TMTC3: variants seen among roughly 807,000 people sequenced by gnomAD.
TMTC3 encodes the protein protein O-mannosyl-transferase TMTC3.
TMTC3 carries 52 observed loss-of-function variants against 92.2 expected under a neutral mutation model. The ratio of observed to expected loss-of-function variants is 0.56; its 90% CI spans 0.45 to 0.71. The LOEUF (loss-of-function observed/expected upper bound fraction) is 0.71, where lower values mean the gene tolerates loss of function less well. Among genes scored for constraint, TMTC3 ranks in the 30% least tolerant of loss-of-function variants. TMTC3 has a pLI of 0.00. For synonymous variants in TMTC3, 339 were observed against 363.3 expected, an observed-to-expected ratio of 0.93 and a Z score of 0.76; for missense variants, 896 against 1,057.1, an observed-to-expected ratio of 0.85 and a Z score of 2.11.
rs1331179443 is a variant in TMTC3 at position 88,194,877 on chromosome 12, T to G, written c.1973T>G (p.Leu658Arg). ...AGACCTGAAGCTAGAAAACGACTTC[T>G]AAGTTATATAAATGAAGAGCCACTA... ...KLRPEARKRL[L>R]SYINEEPLDA... is the part of the protein sequence containing the mutation. The change falls in exon 14 of 14, where the codon CTA becomes CGA. Residue 658 changes from leucine (L) to arginine (R), a missense_variant. Coordinates refer to ENST00000266712, the MANE Select transcript of TMTC3 (RefSeq NM_181783.4). 6.2e-7 allele frequency: 1 copy of G among 1,610,350 alleles called. No individual in the cohort carries two copies. The highest frequency in any genetic ancestry group is 1.7e-5 in the Admixed American group (1 of 59,480).
At chr12:88,169,972 A>C (rs946238309) in intron 7 of TMTC3, among the ~76,000 whole-genome samples, 4 of 151,948 alleles carry the variant, frequency 2.6e-5, no homozygotes, top group Admixed American at 6.6e-5. Flanking sequence ...AAAAGAAAGA[A>C]AGACTCTGGA....
intron 6 of TMTC3, among the ~76,000 whole-genome samples, chr12:88,163,387 T>A (rs7973049): frequency 0.069 from 10,551 of 152,230 alleles, 1,239 homozygotes; most frequent in African/African-American, 0.24. Context: ...TATTTGGGAA[T>A]TTTTAGCTCT....
At chr12:88,155,187 T>C (rs1421477524) in intron 4 of TMTC3, among the ~76,000 whole-genome samples, 1 of 152,254 alleles carries the variant, frequency 6.6e-6, no homozygotes, top group Non-Finnish European at 1.5e-5. Context: ...CTTAAAAGCA[T>C]GGACTAAAGA....
At position 88,159,251 on chromosome 12, in the gene TMTC3, A is replaced by G. The variant is rs191980097; in HGVS notation, c.509-863A>G. On this transcript the variant is annotated intron_variant, in intron 4 of 13. Transcript: ENST00000266712. ...ATTACTCTTTAGTCAAATTACTACT[A>G]CATGGTAGACACTTACTTAAAGTTG... Among the ~76,000 whole-genome samples, 63 of 152,350 alleles carry G rather than the reference A, an allele frequency of 4.1e-4. No homozygotes were observed. The East Asian group carries it at 7.7e-3, about 19-fold the overall frequency.
Position 88,188,268 on chromosome 12 carries a change from A to G in TMTC3, c.1433-575A>G, listed in dbSNP as rs746621445. ...CTTTGCCCCTGTTCCACCATGATGC[A>G]TATTTGTTATAACACTTGAAATAAT... On this transcript the variant is annotated intron_variant, in intron 10 of 13. Coordinates refer to ENST00000266712, the MANE Select transcript of TMTC3 (RefSeq NM_181783.4). Among the ~76,000 whole-genome samples the G allele has an allele frequency of 3.3e-5, 5 of 152,276 alleles. No individual in the cohort carries two copies. In the East Asian group the frequency reaches 9.6e-4, roughly 29 times the overall value.
At chr12:88,191,768 G>A (rs1009057642) in intron 12 of TMTC3, among the ~76,000 whole-genome samples, 8 of 152,080 alleles carry the variant, frequency 5.3e-5, no homozygotes, top group African/African-American at 1.9e-4. Flanking sequence ...GGAGTGCAGT[G>A]GTGTGATCTC....
intron 1 of TMTC3, among the ~76,000 whole-genome samples, chr12:88,146,583 C>T (rs952799048): frequency 1.7e-5 from 2 of 117,694 alleles, no homozygotes; most frequent in African/African-American, 2.7e-5. Context: ...ATATACATAC[C>T]TATATATTTG....
chr12:88,166,403 G>T lies in TMTC3; in HGVS notation c.871G>T (p.Ala291Ser). The T allele has an allele frequency of 4.3e-6, 7 of 1,613,830 alleles. No individual in the cohort carries two copies. The highest frequency in any genetic ancestry group is 4.2e-6 in the Non-Finnish European group (5 of 1,179,898). ...LTFNYLLPVN[A>S]WLLLNPSELC... is the part of the protein sequence containing the mutation. ...TTTTAACTACCTCCTTCCTGTGAAT[G>T]CTTGGTTGTTATTAAATCCTTCAGA... is the stretch of plus-strand genomic sequence containing the variant. The change falls in exon 7 of 14, where the codon GCT becomes TCT. Residue 291 changes from alanine (A) to serine (S), a missense_variant. Transcript: ENST00000266712.
intron 1 of TMTC3, among the ~76,000 whole-genome samples, chr12:88,143,528 G>A (rs2040816250): frequency 6.6e-6 from 1 of 152,178 alleles, no homozygotes; most frequent in Admixed American, 6.5e-5. Flanking sequence ...AGATCTCTCT[G>A]GCTGGAGGAC....
intron 10 of TMTC3, among the ~76,000 whole-genome samples, chr12:88,183,657 T>G (rs959363037): frequency 5.3e-5 from 8 of 152,076 alleles, no homozygotes; most frequent in Admixed American, 2.0e-4. Flanking sequence ...CTAAGGGCCA[T>G]AACATTAGAG....
chr12:88,190,587 C>T lies in TMTC3; in HGVS notation c.1671C>T (p.Ser557=). 6.2e-7 allele frequency: 1 copy of T among 1,613,834 alleles called. No individual in the cohort carries two copies. The highest frequency in any genetic ancestry group is 8.5e-7 in the Non-Finnish European group (1 of 1,179,838). Residue 557 remains serine, a synonymous_variant, in exon 12 of 14, where the codon AGC becomes AGT. Transcript: ENST00000266712. The stretch of plus-strand genomic sequence containing the variant: ...ATCAGCTGTACCGTCAAGCAATAAG[C>T]ATGAGGCCCGACTTCAAGCAGGCTT... ...EADQLYRQAI[S]MRPDFKQAYI... is the part of the protein sequence containing the mutation.
intron 1 of TMTC3, among the ~76,000 whole-genome samples, chr12:88,147,548 C>A (rs1240920904): frequency 6.6e-6 from 1 of 152,084 alleles, no homozygotes; most frequent in Non-Finnish European, 1.5e-5. Flanking sequence ...TACTAGTGTA[C>A]CTTTTCTCCT....
At chr12:88,191,855 G>A (rs974343814) in intron 12 of TMTC3, among the ~76,000 whole-genome samples, 8 of 151,808 alleles carry the variant, frequency 5.3e-5, no homozygotes, top group Admixed American at 1.3e-4. Flanking sequence ...GACTACAGGC[G>A]CGTGCCACCA....
At chr12:88,162,711 G>T (rs963105094) in intron 6 of TMTC3, among the ~76,000 whole-genome samples, 5 of 151,868 alleles carry the variant, frequency 3.3e-5, no homozygotes, top group African/African-American at 1.2e-4. Flanking sequence ...TATCATCTGT[G>T]TCATTCCTTG....
intron 7 of TMTC3, among the ~76,000 whole-genome samples, chr12:88,171,611 A>G (rs1054287058): frequency 2.0e-5 from 3 of 152,146 alleles, no homozygotes; most frequent in African/African-American, 7.2e-5. Context: ...GTTGATGGAT[A>G]CTTAGGTTGT....
rs1179667538 is a variant in TMTC3, at chr12:88,176,324, G to A, written c.1432+5G>A. 6 of 1,579,888 alleles carry A rather than the reference G, an allele frequency of 3.8e-6. No individual in the cohort carries two copies. Among genetic ancestry groups the A allele is most frequent in the African/African-American group, 2.7e-5 (2 of 73,152 alleles). ...AGGCTACCCATGTTCAGCCAGGTAAGCATTATTAACTAATAAAATCATGAA... is the reference window on the plus strand; with the variant it reads ...AGGCTACCCATGTTCAGCCAGGTAAACATTATTAACTAATAAAATCATGAA... On this transcript the variant is annotated splice_donor_5th_base_variant and intron_variant, in intron 10 of 13. Coordinates refer to ENST00000266712, the MANE Select transcript of TMTC3 (RefSeq NM_181783.4).
Position 88,146,611 on chromosome 12 carries a change from G to GTGTGTGTA in TMTC3, c.-28-1676_-28-1675insGTGTGTAT, listed in dbSNP as rs755721380. 3.1e-3 allele frequency among the ~76,000 whole-genome samples: 465 copies of GTGTGTGTA among 147,902 alleles called. 1 individual carries two copies. Among genetic ancestry groups the GTGTGTGTA allele is most frequent in the African/African-American group, 0.011 (451 of 40,426 alleles). On this transcript the variant is annotated intron_variant, in intron 1 of 13. Coordinates refer to ENST00000266712, the MANE Select transcript of TMTC3 (RefSeq NM_181783.4). ...TATATTTGTGTGTGTGTGTGTGTGTGTATATATATATATACATATATATGT... is the reference window on the plus strand; with the variant it reads ...TATATTTGTGTGTGTGTGTGTGTGTGTGTGTGTATATATATATATATACATATATATGT...
intron 10 of TMTC3, among the ~76,000 whole-genome samples, chr12:88,187,274 A>G (rs529357494): frequency 2.6e-5 from 4 of 152,256 alleles, no homozygotes; most frequent in African/African-American, 7.2e-5. Context: ...CATATAATGC[A>G]AGCAAATACC....
chr12:88,148,592 ATCATCACAACAGTTACAGATTTTTAACCC>A, intron 2 of TMTC3, 88 bp downstream of exon 2: 1 of 984,264 alleles, frequency 1.0e-6, no homozygotes, highest in Non-Finnish European at 1.5e-6. Flanking sequence ...TATCAACATT[ATCATCACAACAGTTACAGATTTTTAACCC>A]TAAAATGTTT....
Sources: gnomAD v4.1 joint callset for allele counts (sites outside exome capture counted in the v4.1 genomes callset) on GRCh38, gnomAD v4.1.1 for gene constraint, MANE v1.5 for transcripts, NCBI Gene and HGNC (gene_info 2026-07-23, HGNC 2026-07-21) for gene names.